DGKD: variants seen among roughly 807,000 people sequenced by gnomAD.
DGKD encodes the protein DAG kinase delta.
In DGKD, 68 loss-of-function variants were observed where a neutral mutation model predicts 154.4. The ratio of observed to expected loss-of-function variants is 0.44; its 90% CI spans 0.36 to 0.54. The LOEUF is 0.54. Among genes scored for constraint, DGKD ranks in the 20% least tolerant of loss-of-function variants. The pLI is 0.00. For missense variants in DGKD, 1,343 were observed against 1,593.6 expected (o/e 0.84, Z 2.68); for synonymous variants, 693 against 638.0 (o/e 1.09, Z -1.30).
At chr2:233,381,347 T>TA (rs1702896227) in intron 1 of DGKD, among the ~76,000 whole-genome samples, 1 of 152,244 alleles carries the variant, frequency 6.6e-6, no homozygotes, top group Non-Finnish European at 1.5e-5. Context: ...TTTGAGTAGA[T>TA]ACAGGAATTT....
At chr2:233,415,358 G>A (rs960901248) in intron 3 of DGKD, among the ~76,000 whole-genome samples, 3 of 152,226 alleles carry the variant, frequency 2.0e-5, no homozygotes, top group Admixed American at 1.3e-4. Flanking sequence ...CATCAGGGTG[G>A]CTGCCAGCTG....
Position 233,449,356 on chromosome 2 carries a change from TC to T in DGKD, c.1869del (p.Ile624Ter). On this transcript the variant is annotated frameshift_variant, in exon 15 of 30. Coordinates refer to ENST00000264057, the MANE Select transcript of DGKD (RefSeq NM_152879.3). LOFTEE classifies it high-confidence loss of function. The surrounding 1 kb of genome is among the most constrained non-coding windows in gnomAD (Gnocchi z 5.3). ...ANSLKKAIRQ[I>X]IEHTEKAVDE... ...AGCCTGAAGAAAGCAATTCGTCAGA[TC>T]ATAGAACACACAGAAAAAGGTAACT... 6.3e-7 allele frequency: 1 copy of T among 1,598,864 alleles called. No homozygotes were observed. Among genetic ancestry groups the T allele is most frequent in the Non-Finnish European group, 8.6e-7 (1 of 1,167,284 alleles).
At chr2:233,466,702 G>A (rs917804162) in intron 27 of DGKD, among the ~76,000 whole-genome samples, 10 of 152,126 alleles carry the variant, frequency 6.6e-5, no homozygotes, top group African/African-American at 1.4e-4. Context: ...ACAGATACTC[G>A]TAATACTAAG....
At chr2:233,453,833 G>C (rs1000937177) in intron 18 of DGKD, among the ~76,000 whole-genome samples, 1 of 142,632 alleles carries the variant, frequency 7.0e-6, no homozygotes, top group Admixed American at 6.9e-5. Flanking sequence ...GAAGAAACTT[G>C]AATGAGTCTC....
At chr2:233,377,373 T>G (rs1282753386) in intron 1 of DGKD, among the ~76,000 whole-genome samples, 1 of 152,178 alleles carries the variant, frequency 6.6e-6, no homozygotes, top group Admixed American at 6.5e-5. Context: ...CGTGAGCCAC[T>G]GCGCCTGGCC....
At chr2:233,453,655 TC>T (rs1421438117) in intron 18 of DGKD, among the ~76,000 whole-genome samples, 1 of 152,230 alleles carries the variant, frequency 6.6e-6, no homozygotes, top group Non-Finnish European at 1.5e-5. Flanking sequence ...AACATCCTCT[TC>T]TCCTGGCTGC....
intron 2 of DGKD, among the ~76,000 whole-genome samples, chr2:233,389,494 C>A (rs1703431535): frequency 6.6e-6 from 1 of 151,442 alleles, no homozygotes; most frequent in South Asian, 2.1e-4. Context: ...TGAGACATAT[C>A]CCTAGAAAGT....
At chr2:233,402,240 C>G (rs1034031653) in intron 3 of DGKD, among the ~76,000 whole-genome samples, 2 of 152,204 alleles carry the variant, frequency 1.3e-5, no homozygotes, top group African/African-American at 4.8e-5. Context: ...TGGCCATGCC[C>G]GAGCACCTTT....
chr2:233,412,939 T>C (rs940309064), intron 3 of DGKD, among the ~76,000 whole-genome samples: 3 of 152,258 alleles, frequency 2.0e-5, no homozygotes, highest in Non-Finnish European at 4.4e-5. Context: ...TTAAACCCTA[T>C]TTGCTCATAA....
chr2:233,410,545 G>C (rs959769542), intron 3 of DGKD, among the ~76,000 whole-genome samples: 1 of 152,178 alleles, frequency 6.6e-6, no homozygotes, highest in African/African-American at 2.4e-5. Flanking sequence ...CCTAAGTGCT[G>C]ATTTCTCCAG....
chr2:233,368,339 A>G (rs922761630), intron 1 of DGKD, among the ~76,000 whole-genome samples: 3 of 151,948 alleles, frequency 2.0e-5, no homozygotes, highest in East Asian at 1.9e-4. Context: ...GTAAAACCCC[A>G]TCTCTACTAA....
chr2:233,357,476 G>A (rs1476879743), intron 1 of DGKD, among the ~76,000 whole-genome samples: 1 of 150,960 alleles, frequency 6.6e-6, no homozygotes, highest in Non-Finnish European at 1.5e-5. Flanking sequence ...GATGATTATG[G>A]TTGAGTAGGT....
intron 3 of DGKD, among the ~76,000 whole-genome samples, chr2:233,412,486 AG>A (rs1258653479): frequency 6.6e-6 from 1 of 152,220 alleles, no homozygotes; most frequent in Non-Finnish European, 1.5e-5. Context: ...TAATTCTAGT[AG>A]TCATTGTGTA....
rs369855258 is a variant in DGKD at position 233,451,940 on chromosome 2, C to G, written c.2168-24C>G. On this transcript the variant is annotated intron_variant, in intron 17 of 29. Coordinates refer to ENST00000264057, the MANE Select transcript of DGKD (RefSeq NM_152879.3). The stretch of plus-strand genomic sequence containing the variant: ...GGCTGTAGCTCCTGACCAGCACCAC[C>G]TCTTTCTTGTATCTCCTTTACAGAT... 75 of 1,610,852 alleles carry G rather than the reference C, an allele frequency of 4.7e-5. No individual in the cohort carries two copies. In the East Asian group the frequency reaches 1.5e-3, roughly 32 times the overall value.
rs530530056 is a variant in DGKD, at chr2:233,458,681, G to A, written c.2694+284G>A. On this transcript the variant is annotated intron_variant, in intron 22 of 29. Coordinates refer to ENST00000264057, the MANE Select transcript of DGKD (RefSeq NM_152879.3). This position sits in a 1 kb window ranked among gnomAD's most constrained non-coding sequence, Gnocchi z 6.6. ...GGCTGGAGTGCAGTGGTGCAATCTC[G>A]GCTTGCTGCAACCTCCACCTCCCTG... is the stretch of plus-strand genomic sequence containing the variant. Among the ~76,000 whole-genome samples, 7 of 150,166 alleles carry A rather than the reference G, an allele frequency of 4.7e-5. No individual in the cohort carries two copies. Among genetic ancestry groups the A allele is most frequent in the South Asian group, 2.1e-4 (1 of 4,726 alleles).
chr2:233,419,406 G>A (rs2062045726), intron 3 of DGKD: 1 of 985,562 alleles, frequency 1.0e-6, no homozygotes, highest in African/African-American at 1.7e-5. Flanking sequence ...ACTGTTCTGA[G>A]CAGGAAGGGC....
rs1453028401 is a variant in DGKD, at chr2:233,386,138, G to GT, written c.157-2115dup. The GT allele has an allele frequency of 2.9e-5, 9 of 311,676 alleles. No homozygotes were observed. In the East Asian group the frequency reaches 8.4e-4, roughly 29 times the overall value. 19.3% of individuals were successfully genotyped at this position (311,676 alleles called of 1,614,324 possible). On this transcript the variant is annotated intron_variant, in intron 1 of 29. Transcript: ENST00000264057. ...TAAAGATAACTTATAACTTTTCTGG[G>GT]TTTTGGGTTGTTGGTTTTGTCTTTT...
In DGKD at chr2:233,451,164, A is replaced by T. The variant is rs2063276703; in HGVS notation, c.2167+114A>T. On this transcript the variant is annotated intron_variant, in intron 17 of 29. Coordinates refer to ENST00000264057, the MANE Select transcript of DGKD (RefSeq NM_152879.3). ...GAGAGTTTACAGGCCCCTGAGAAAG[A>T]TAGGTGGAATTGAAAAATTTACACG... The T allele has an allele frequency of 1.1e-5, 10 of 949,654 alleles. No homozygotes were observed. In the South Asian group the frequency reaches 1.5e-4, roughly 15 times the overall value. 58.8% of individuals were successfully genotyped at this position (949,654 alleles called of 1,614,324 possible).
At chr2:233,386,276 A>G in intron 1 of DGKD, 1 of 295,560 alleles carries the variant, frequency 3.4e-6, no homozygotes. Flanking sequence ...TGAGGTCAAC[A>G]GAGAAAGGGT....
Sources: gnomAD v4.1 joint callset for allele counts (sites outside exome capture counted in the v4.1 genomes callset) on GRCh38, gnomAD v4.1.1 for gene constraint, Gnocchi (gnomAD v3.1) non-coding constraint, MANE v1.5 for transcripts, NCBI Gene and HGNC (gene_info 2026-07-23, HGNC 2026-07-21) for gene names.